The following GPM6B variants were observed in gnomAD, a reference collection of about 807,000 sequenced individuals.
The protein encoded by GPM6B is glycoprotein M6B, also known as neuronal membrane glycoprotein M6-b.
A neutral mutation model predicts 27.2 loss-of-function variants in GPM6B; 4 were observed. The observed-to-expected ratio is 0.15, with a 90% confidence interval of 0.07 to 0.34. The LOEUF is 0.34. GPM6B is among the 10% of genes least tolerant of loss of function. GPM6B has a pLI of 1.00. For synonymous variants in GPM6B, 124 were observed against 103.1 expected (o/e 1.20, Z -1.23); for missense variants, 183 against 261.9 (o/e 0.70, Z 2.08).
chrX:13,907,042 TTC>T (rs1311895971), intron 1 of GPM6B, among the ~76,000 whole-genome samples: 4 of 112,637 alleles, frequency 3.6e-5, no homozygotes, highest in Non-Finnish European at 7.5e-5. Flanking sequence ...CTTTTTCTGT[TTC>T]TGTGTCTCCT....
intron 1 of GPM6B, among the ~76,000 whole-genome samples, chrX:13,809,429 T>C (rs2049083512): frequency 8.9e-6 from 1 of 111,798 alleles, no homozygotes; most frequent in Non-Finnish European, 1.9e-5. Context: ...CCTAAGCTAC[T>C]GATGTTATCT....
At chrX:13,896,153 T>G (rs769425125) in intron 1 of GPM6B, among the ~76,000 whole-genome samples, 82 of 98,792 alleles carry the variant, frequency 8.3e-4, no homozygotes, top group Non-Finnish European at 3.5e-4. Context: ...GTCATAATCA[T>G]AGCTCACTGC....
At chrX:13,826,563 C>CAT (rs1569239981) in intron 1 of GPM6B, among the ~76,000 whole-genome samples, 5,415 of 67,950 alleles carry the variant, frequency 0.08, 137 homozygotes, top group Non-Finnish European at 0.087. Context: ...CATACATACA[C>CAT]ACATACATAC....
chrX:13,840,601 C>T (rs954037263), intron 1 of GPM6B, among the ~76,000 whole-genome samples: 2 of 111,743 alleles, frequency 1.8e-5, no homozygotes, highest in African/African-American at 6.5e-5. Context: ...TTCCTCCACC[C>T]CCAGCGAATC....
intron 1 of GPM6B, among the ~76,000 whole-genome samples, chrX:13,871,939 G>T: frequency 8.9e-6 from 1 of 111,807 alleles, no homozygotes; most frequent in Non-Finnish European, 1.9e-5. Context: ...TGTTCTTCCA[G>T]GTGTGGTGGT....
intron 1 of GPM6B, among the ~76,000 whole-genome samples, chrX:13,826,606 G>A (rs1167852266): frequency 9.1e-6 from 1 of 109,710 alleles, no homozygotes; most frequent in African/African-American, 3.3e-5. Flanking sequence ...AGTGTAGCGG[G>A]GCACACCTAT....
chrX:13,834,248 G>A (rs768780840), intron 1 of GPM6B, among the ~76,000 whole-genome samples: 37 of 112,301 alleles, frequency 3.3e-4, no homozygotes, highest in Non-Finnish European at 5.3e-4. Flanking sequence ...TGTATAGTTA[G>A]CAAAGCAAAT....
intron 1 of GPM6B, among the ~76,000 whole-genome samples, chrX:13,872,163 CTTTTTTT>C (rs72226692): frequency 1.2e-4 from 3 of 25,836 alleles, no homozygotes; most frequent in Non-Finnish European, 1.9e-4. Flanking sequence ...TGTGACATCA[CTTTTTTT>C]TTTTTTTTTT....
At chrX:13,836,553 TA>T (rs1718535123) in intron 1 of GPM6B, among the ~76,000 whole-genome samples, 1 of 111,176 alleles carries the variant, frequency 9.0e-6, no homozygotes, top group African/African-American at 3.4e-5. Context: ...GCAAAGATGC[TA>T]TGTTTATTTA....
At chrX:13,919,483 A>ACC (rs1227367241) in intron 1 of GPM6B, among the ~76,000 whole-genome samples, 2 of 112,272 alleles carry the variant, frequency 1.8e-5, no homozygotes, top group Non-Finnish European at 3.8e-5. Context: ...AAGATGCACC[A>ACC]ACTGAAAATT....
intron 1 of GPM6B, among the ~76,000 whole-genome samples, chrX:13,938,093 G>C (rs1032607011): frequency 9.1e-6 from 1 of 110,297 alleles, no homozygotes; most frequent in South Asian, 4.0e-4. Flanking sequence ...GGCGGGGCAG[G>C]ACTGGACTGG....
chrX:13,803,391 C>A (rs1244887458), intron 2 of GPM6B, among the ~76,000 whole-genome samples: 1 of 111,115 alleles, frequency 9.0e-6, no homozygotes, highest in Non-Finnish European at 1.9e-5. Flanking sequence ...AATACCAACA[C>A]TCCAGAGGGC....
intron 3 of GPM6B, 28 bp from the exon 4 acceptor site, chrX:13,783,549 C>T (rs764692787): frequency 4.4e-6 from 5 of 1,145,806 alleles, no homozygotes; most frequent in Non-Finnish European, 5.9e-6. Flanking sequence ...GATCCTGAAC[C>T]ATTAAATTCA....
chrX:13,848,133 T>C (rs1365227398), intron 1 of GPM6B, among the ~76,000 whole-genome samples: 1 of 112,156 alleles, frequency 8.9e-6, no homozygotes, highest in Non-Finnish European at 1.9e-5. Flanking sequence ...CCCATGGTCA[T>C]GTCCCTGGCT....
At chrX:13,801,440 A>G (rs1300277174) in intron 2 of GPM6B, among the ~76,000 whole-genome samples, 2 of 112,333 alleles carry the variant, frequency 1.8e-5, no homozygotes, top group African/African-American at 6.5e-5. Flanking sequence ...ATCAGTAGAT[A>G]GAGTATTGCA....
At chrX:13,839,945 C>A (rs2049552321) in intron 1 of GPM6B, among the ~76,000 whole-genome samples, 1 of 111,287 alleles carries the variant, frequency 9.0e-6, no homozygotes, top group Non-Finnish European at 1.9e-5. Context: ...TAAAGCTATG[C>A]AGATCAAGGC....
chrX:13,905,369 A>C (rs1271017130), intron 1 of GPM6B, among the ~76,000 whole-genome samples: 1 of 111,605 alleles, frequency 9.0e-6, no homozygotes, highest in African/African-American at 3.3e-5. Context: ...TGGCTCTATG[A>C]AGAATTTTAG....
intron 1 of GPM6B, among the ~76,000 whole-genome samples, chrX:13,836,085 G>C (rs2049491459): frequency 8.9e-6 from 1 of 112,012 alleles, no homozygotes; most frequent in African/African-American, 3.2e-5. Context: ...TAATAAGCAA[G>C]ATGTGTTAAA....
intron 2 of GPM6B, among the ~76,000 whole-genome samples, chrX:13,801,334 G>C (rs768471696): frequency 1.8e-5 from 2 of 111,997 alleles, no homozygotes; most frequent in African/African-American, 6.5e-5. Context: ...CAGAGAACAA[G>C]GATTCTGGGG....
Sources: allele counts gnomAD v4.1 joint callset (sites outside exome capture counted in the v4.1 genomes callset), GRCh38; gene constraint gnomAD v4.1.1; transcripts MANE v1.5; gene names NCBI Gene and HGNC (gene_info 2026-07-23, HGNC 2026-07-21).